TSBP1: variants seen among roughly 807,000 people sequenced by gnomAD.
The protein encoded by TSBP1 is testis-expressed basic protein 1.
In TSBP1, 56 loss-of-function variants were observed where a neutral mutation model predicts 68.8. That is an observed-to-expected ratio of 0.81 (90% confidence interval 0.66 to 1.02). The LOEUF (loss-of-function observed/expected upper bound fraction) is 1.02. Ranked by LOEUF, TSBP1 falls within the 50% of genes least tolerant of loss-of-function variation. The pLI is 0.00. For missense variants in TSBP1, 502 were observed against 641.2 expected (o/e 0.78, Z 2.34); for synonymous variants, 171 against 208.7 (o/e 0.82, Z 1.56).
intron 3 of TSBP1, among the ~76,000 whole-genome samples, chr6:32,368,467 C>T (rs944824610): frequency 1.2e-4 from 18 of 152,210 alleles, no homozygotes; most frequent in African/African-American, 4.3e-4. Context: ...TTTTACTGAA[C>T]CATCTGTTCC....
chr6:32,299,960 G>A, intron 21 of TSBP1, 24 bp from the exon 25 acceptor site: 1 of 1,601,260 alleles, frequency 6.2e-7, no homozygotes, highest in Non-Finnish European at 8.6e-7. Flanking sequence ...ACAAAAGAAA[G>A]ATCAGTGAGG....
chr6:32,309,759 T>C (rs934841353), intron 19 of TSBP1, among the ~76,000 whole-genome samples: 1 of 152,160 alleles, frequency 6.6e-6, no homozygotes, highest in Non-Finnish European at 1.5e-5. Context: ...ACATTGCAAT[T>C]ATATTCTTTT....
At chr6:32,351,592 T>C (rs1381739743) in intron 8 of TSBP1, among the ~76,000 whole-genome samples, 1 of 152,148 alleles carries the variant, frequency 6.6e-6, no homozygotes, top group Non-Finnish European at 1.5e-5. Flanking sequence ...GACTACAGTT[T>C]GTTGTTAGAT....
chr6:32,338,168 G>T lies in TSBP1; in HGVS notation c.409+811C>A, dbSNP rs986090852. Reference sequence around the variant, plus strand: ...TTTTTATTTCCTCTCTCAGGGCAGAGAATTAAAATCCTGTAGAGCAATGGT... The same window carrying T: ...TTTTTATTTCCTCTCTCAGGGCAGATAATTAAAATCCTGTAGAGCAATGGT... On this transcript the variant is annotated intron_variant, in intron 11 of 22. Coordinates refer to ENST00000612031, the Ensembl canonical transcript of TSBP1. This position sits in a 1 kb window ranked among gnomAD's most constrained non-coding sequence, Gnocchi z 5.5. Among the ~76,000 whole-genome samples, 5 of 152,164 alleles carry T rather than the reference G, an allele frequency of 3.3e-5. No individual in the cohort carries two copies. The highest frequency in any genetic ancestry group is 7.2e-5 in the African/African-American group (3 of 41,432).
At position 32,355,160 on chromosome 6, in the gene TSBP1, A is replaced by T. The variant is rs1179788246; in HGVS notation, c.239-16T>A. The T allele has an allele frequency of 2.5e-6, 4 of 1,611,586 alleles. No homozygotes were observed. The highest frequency in any genetic ancestry group is 2.2e-5 in the South Asian group (2 of 90,966). On this transcript the variant is annotated splice_polypyrimidine_tract_variant and intron_variant, in intron 7 of 22. Coordinates refer to ENST00000612031, the Ensembl canonical transcript of TSBP1. The stretch of plus-strand genomic sequence containing the variant: ...GTTGATGGTGCTAAAATACACACAC[A>T]GAAAACATGAGGTGAATCATGAGAG...
At chr6:32,367,188 G>A (rs1444385255) in intron 4 of TSBP1, among the ~76,000 whole-genome samples, 1 of 151,114 alleles carries the variant, frequency 6.6e-6, no homozygotes, top group African/African-American at 2.4e-5. Flanking sequence ...AGCTCTAGTG[G>A]TTCTTGTTGA....
rs1409126897 is a variant in TSBP1, at chr6:32,340,446, G to A, written c.350-808C>T. 3.3e-5 allele frequency among the ~76,000 whole-genome samples: 5 copies of A among 152,120 alleles called. No individual in the cohort carries two copies. Among genetic ancestry groups the A allele is most frequent in the African/African-American group, 9.7e-5 (4 of 41,424 alleles). ...GTTTTTCTATGTGGTATTTTAGGCC[G>A]TCAATCACTGAACTGTCAGTTTCTT... On this transcript the variant is annotated intron_variant, in intron 9 of 22. Transcript: ENST00000612031. The surrounding 1 kb of genome is among the most constrained non-coding windows in gnomAD (Gnocchi z 4.8).
rs983177535 is a variant in TSBP1 at position 32,337,392 on chromosome 6, A to C, written c.410-757T>G. On this transcript the variant is annotated intron_variant, in intron 11 of 22. Transcript: ENST00000612031. This position sits in a 1 kb window ranked among gnomAD's most constrained non-coding sequence, Gnocchi z 5.5. ...ACGGGTGTCCTGCTTGTATCTCAGG[A>C]GATTACACAGGCCATTGCCTGTCTT... 6.6e-6 allele frequency among the ~76,000 whole-genome samples: 1 copy of C among 152,076 alleles called. No homozygotes were observed. Among genetic ancestry groups the C allele is most frequent in the Non-Finnish European group, 1.5e-5 (1 of 68,018 alleles).
intron 18 of TSBP1, chr6:32,320,093 A>G (rs1767447722): frequency 2.2e-6 from 1 of 453,404 alleles, no homozygotes; most frequent in South Asian, 1.6e-5. Context: ...TTTCTCATAG[A>G]TTTCATAACT....
chr6:32,309,992 A>T (rs1363441560), intron 19 of TSBP1, among the ~76,000 whole-genome samples: 1 of 152,200 alleles, frequency 6.6e-6, no homozygotes, highest in African/African-American at 2.4e-5. Context: ...ATGAGTATGG[A>T]CATGTGAAGT....
At chr6:32,362,529 A>G (rs9268330) in intron 6 of TSBP1, among the ~76,000 whole-genome samples, 44,296 of 152,144 alleles carry the variant, frequency 0.29, 7,478 homozygotes, top group African/African-American at 0.44. Context: ...AGCAACAGAA[A>G]CAGATTAAGA....
At chr6:32,341,398 T>C (rs915803627) in intron 9 of TSBP1, among the ~76,000 whole-genome samples, 5 of 152,098 alleles carry the variant, frequency 3.3e-5, no homozygotes, top group Non-Finnish European at 7.4e-5. Context: ...TCAGTTGCAT[T>C]AAGGGGCCCA....
chr6:32,339,103 G>A, intron 10 of TSBP1, 104 bp from the exon 12 acceptor site: 2 of 941,428 alleles, frequency 2.1e-6, no homozygotes, highest in Non-Finnish European at 3.5e-6. Flanking sequence ...GATTTACATG[G>A]AAAGGCAGCA....
chr6:32,292,946 A>G lies in TSBP1; in HGVS notation c.*35T>C. The G allele has an allele frequency of 7.8e-7, 1 of 1,276,804 alleles. No individual in the cohort carries two copies. 79.1% of individuals were successfully genotyped at this position (1,276,804 alleles called of 1,614,324 possible). ...TATCTGGAGTATGGGAATCATAATA[A>G]TCACTTGTCTTATGGGCCTTTAAAA... is the stretch of plus-strand genomic sequence containing the variant. On this transcript the variant is annotated 3_prime_UTR_variant, in exon 23 of 23. Coordinates refer to ENST00000612031, the Ensembl canonical transcript of TSBP1. The surrounding 1 kb of genome is among the most constrained non-coding windows in gnomAD (Gnocchi z 4.1).
At chr6:32,330,798 G>A (rs890321543) in intron 15 of TSBP1, among the ~76,000 whole-genome samples, 189 bp from the exon 17 acceptor site, 7 of 152,016 alleles carry the variant, frequency 4.6e-5, no homozygotes, top group Admixed American at 4.6e-4. Context: ...AGCCTCCTGA[G>A]TAGCAGGGAT....
At chr6:32,339,020 G>A in intron 10 of TSBP1, 21 bp from the exon 12 acceptor site, 1 of 1,608,488 alleles carries the variant, frequency 6.2e-7, no homozygotes, top group Non-Finnish European at 8.5e-7. Context: ...AACAAAAAAG[G>A]TGAGTTTGAA....
In TSBP1 at chr6:32,370,068, C is replaced by A. The variant is rs565493066; in HGVS notation, c.14-85G>T. 15 of 787,070 alleles carry A rather than the reference C, an allele frequency of 1.9e-5. No individual in the cohort carries two copies. In the Admixed American group the frequency reaches 2.1e-4, roughly 11 times the overall value. 48.8% of individuals were successfully genotyped at this position (787,070 alleles called of 1,614,324 possible). The stretch of plus-strand genomic sequence containing the variant: ...ACTTCTGATCACCTCTTACTATCCA[C>A]CAGATAGACTTTTTTTCTTTCCCCT... On this transcript the variant is annotated intron_variant, in intron 1 of 22. Transcript: ENST00000612031.
rs1372278599 is a variant in TSBP1 at position 32,333,805 on chromosome 6, C to A, written c.472+1632G>T. On this transcript the variant is annotated intron_variant, in intron 14 of 22. Transcript: ENST00000612031. The surrounding 1 kb of genome is among the most constrained non-coding windows in gnomAD (Gnocchi z 4.2). ...CATTGCAGTTAATAATCCTTCACTTCAGTGTCACTCAGAATGAGAAATATC... is the reference window on the plus strand; with the variant it reads ...CATTGCAGTTAATAATCCTTCACTTAAGTGTCACTCAGAATGAGAAATATC... Among the ~76,000 whole-genome samples, 1 of 151,280 alleles carries A rather than the reference C, an allele frequency of 6.6e-6. No homozygotes were observed. Among genetic ancestry groups the A allele is most frequent in the African/African-American group, 2.5e-5 (1 of 40,570 alleles).
At position 32,368,775 on chromosome 6, in the gene TSBP1, TAC is replaced by T; in HGVS notation, c.133+5_133+6del. 1 of 1,577,000 alleles carries T rather than the reference TAC, an allele frequency of 6.3e-7. No homozygotes were observed. The highest frequency in any genetic ancestry group is 8.7e-7 in the Non-Finnish European group (1 of 1,154,236). ...TATTTATTTTTCTCATGAGTATAAG[TAC>T]TTACTTTGTTCTGAACTGTATCTGG... On this transcript the variant is annotated splice_donor_5th_base_variant and intron_variant, in intron 3 of 22. Coordinates refer to ENST00000612031, the Ensembl canonical transcript of TSBP1.
Sources: gnomAD v4.1 joint callset for allele counts (sites outside exome capture counted in the v4.1 genomes callset) on GRCh38, gnomAD v4.1.1 for gene constraint, Gnocchi (gnomAD v3.1) non-coding constraint, MANE v1.5 for transcripts, NCBI Gene and HGNC (gene_info 2026-07-23, HGNC 2026-07-21) for gene names.